Variants in SUPT16H observed in about 807,000 individuals in gnomAD.
SUPT16H encodes the protein SPT16 homolog, facilitates chromatin remodeling subunit, also known as FACT complex subunit SPT16.
A neutral mutation model predicts 136.2 loss-of-function variants in SUPT16H; 24 were observed. The observed-to-expected ratio is 0.18, with a 90% CI of 0.13 to 0.25. SUPT16H has a LOEUF of 0.25. Ranked by LOEUF, SUPT16H falls within the 10% of genes least tolerant of loss-of-function variation. The pLI, the probability that SUPT16H is intolerant of heterozygous loss-of-function variation, is 1.00. For synonymous variants in SUPT16H, 415 were observed against 428.2 expected (o/e 0.97, Z 0.38); for missense variants, 623 against 1,270.2 (o/e 0.49, Z 7.74).
At position 21,369,194 on chromosome 14, in the gene SUPT16H, A is replaced by G. The variant is rs1594305694; in HGVS notation, c.782+10T>C. 6.2e-7 allele frequency: 1 copy of G among 1,612,352 alleles called. No homozygotes were observed. The highest frequency in any genetic ancestry group is 2.2e-5 in the East Asian group (1 of 44,876). Reference sequence around the variant, plus strand: ...CAAAATGCTATATTATGAAGTCTTCATATACTTACCTCACCACACTGAACT... The same window carrying G: ...CAAAATGCTATATTATGAAGTCTTCGTATACTTACCTCACCACACTGAACT... On this transcript the variant is annotated intron_variant, in intron 6 of 25. Transcript: ENST00000216297.
intron 8 of SUPT16H, 72 bp from the exon 9 acceptor site, chr14:21,365,215 T>G (rs1169685193): frequency 1.6e-5 from 22 of 1,380,200 alleles, no homozygotes; most frequent in Non-Finnish European, 1.9e-5. Flanking sequence ...ACATATTCAT[T>G]TCAACTTTCA....
At chr14:21,358,767 C>T (rs1017824778) in intron 19 of SUPT16H, among the ~76,000 whole-genome samples, 1 of 152,202 alleles carries the variant, frequency 6.6e-6, no homozygotes, top group Non-Finnish European at 1.5e-5. Context: ...TCAGCAGATA[C>T]TTGAGTTGCT....
intron 1 of SUPT16H, among the ~76,000 whole-genome samples, chr14:21,374,728 G>A (rs1383700858): frequency 6.6e-6 from 1 of 152,130 alleles, no homozygotes; most frequent in Admixed American, 6.5e-5. Context: ...TTCATCAGCT[G>A]CAGGACACTT....
chr14:21,379,710 A>G (rs1354735335), intron 1 of SUPT16H, among the ~76,000 whole-genome samples: 3 of 151,876 alleles, frequency 2.0e-5, no homozygotes, highest in Admixed American at 6.6e-5. Flanking sequence ...AATAAAATAA[A>G]TAACAATAAT....
chr14:21,358,885 A>G (rs1594299094), intron 19 of SUPT16H, among the ~76,000 whole-genome samples: 1 of 138,786 alleles, frequency 7.2e-6, no homozygotes, highest in African/African-American at 2.7e-5. Flanking sequence ...TTGGCCCACA[A>G]CCTCTGCCTC....
intron 3 of SUPT16H, among the ~76,000 whole-genome samples, chr14:21,370,904 C>T (rs8020149): frequency 0.89 from 134,815 of 152,010 alleles, 60,026 homozygotes; most frequent in Middle Eastern, 0.94. Flanking sequence ...GCCTCCCGAG[C>T]AGCTGGGATT....
chr14:21,381,820 C>G (rs1445347450), intron 1 of SUPT16H, among the ~76,000 whole-genome samples: 3 of 145,090 alleles, frequency 2.1e-5, no homozygotes, highest in Non-Finnish European at 3.0e-5. Flanking sequence ...GGGGTCTCAT[C>G]ATCTTGCCCA....
chr14:21,355,264 G>A (rs1030211946), intron 22 of SUPT16H, among the ~76,000 whole-genome samples: 1 of 152,100 alleles, frequency 6.6e-6, no homozygotes, highest in Admixed American at 6.5e-5. Flanking sequence ...GGAGGCCAAG[G>A]CAGGCGGATC....
At chr14:21,363,638 C>T (rs1886604747) in intron 10 of SUPT16H, 135 bp from the exon 11 acceptor site, 1 of 750,490 alleles carries the variant, frequency 1.3e-6, no homozygotes, top group Non-Finnish European at 2.2e-6. Context: ...TAGTTTTTAT[C>T]CTTCTAACCT....
chr14:21,377,360 A>G (rs1458605424), intron 1 of SUPT16H, among the ~76,000 whole-genome samples: 4 of 152,252 alleles, frequency 2.6e-5, no homozygotes, highest in African/African-American at 4.8e-5. Flanking sequence ...AAATAGAATC[A>G]TATCAGCCTT....
At chr14:21,371,731 G>C (rs1418496059) in intron 3 of SUPT16H, 143 bp downstream of exon 3, 28 of 901,104 alleles carry the variant, frequency 3.1e-5, no homozygotes, top group Non-Finnish European at 4.3e-5. Context: ...TCCTAACAAT[G>C]AAGACGTGAC....
At chr14:21,367,782 C>T (rs1441343342) in intron 7 of SUPT16H, among the ~76,000 whole-genome samples, 1 of 152,196 alleles carries the variant, frequency 6.6e-6, no homozygotes, top group African/African-American at 2.4e-5. Context: ...AATGATCACT[C>T]ATGCTTGAAA....
chr14:21,353,776 A>T lies in SUPT16H; in HGVS notation c.2847T>A (p.Asn949Lys). 6.2e-7 allele frequency: 1 copy of T among 1,614,086 alleles called. No homozygotes were observed. Among genetic ancestry groups the T allele is most frequent in the Non-Finnish European group, 8.5e-7 (1 of 1,179,990 alleles). The part of the protein sequence containing the change: ...SESEIEDETF[N>K]PSEDDYEEEE... Reference sequence around the variant, plus strand: ...CCTCTTCATAGTCATCTTCTGAAGGATTAAAAGTCTCATCTTCAATTTCAG... The same window carrying T: ...CCTCTTCATAGTCATCTTCTGAAGGTTTAAAAGTCTCATCTTCAATTTCAG... Residue 949 changes from asparagine to lysine, a missense_variant, in exon 24 of 26, where the codon AAT becomes AAA. Physicochemically the swap from Asn to Lys is moderately conservative, Grantham distance 94. This residue lies in a region of SUPT16H where 88 missense variants were observed against 135.5 expected (regional missense o/e 0.65). Transcript: ENST00000216297.
Position 21,354,397 on chromosome 14 carries a change from C to T in SUPT16H, c.2790+14G>A. ...AACACTGTGTACCAGAAAAGAAACC[C>T]CACACTCACGCACCTCACCCTCAGG... On this transcript the variant is annotated intron_variant, in intron 23 of 25. Coordinates refer to ENST00000216297, the MANE Select transcript of SUPT16H (RefSeq NM_007192.4). The T allele has an allele frequency of 6.8e-6, 11 of 1,612,984 alleles. No individual in the cohort carries two copies. Among genetic ancestry groups the T allele is most frequent in the Non-Finnish European group, 9.3e-6 (11 of 1,179,464 alleles).
At position 21,353,850 on chromosome 14, in the gene SUPT16H, A is replaced by G. The variant is rs368900931; in HGVS notation, c.2791-18T>C. On this transcript the variant is annotated intron_variant, in intron 23 of 25. Transcript: ENST00000216297. ...TCACTCCCCTGGTGAGTTAGAGCAT[A>G]ATACTGATTTTTTTTTGACATTTAC... 1.3e-6 allele frequency: 2 copies of G among 1,599,432 alleles called. No homozygotes were observed. The highest frequency in any genetic ancestry group is 1.7e-6 in the Non-Finnish European group (2 of 1,174,358).
At chr14:21,376,633 T>G (rs961929489) in intron 1 of SUPT16H, among the ~76,000 whole-genome samples, 2 of 152,138 alleles carry the variant, frequency 1.3e-5, no homozygotes, top group African/African-American at 4.8e-5. Context: ...TAATGGCACT[T>G]AAAACTGCTA....
chr14:21,362,347 A>G (rs1886574068), intron 14 of SUPT16H, 23 bp from the exon 15 acceptor site: 2 of 1,598,182 alleles, frequency 1.3e-6, no homozygotes, highest in African/African-American at 1.3e-5. Flanking sequence ...AAAGCATAAA[A>G]AGTAAACAGA....
At position 21,371,904 on chromosome 14, in the gene SUPT16H, G is replaced by A; in HGVS notation, c.300C>T (p.Ala100=). 6.2e-7 allele frequency: 1 copy of A among 1,613,926 alleles called. No individual in the cohort carries two copies. The highest frequency in any genetic ancestry group is 1.3e-5 in the African/African-American group (1 of 74,984). The part of the protein sequence containing the change: ...NTKGNENANG[A]PAITLLIREK... ...CTCGTATTAGCAGTGTGATGGCAGG[G>A]GCTCCATTAGCATTCTCATTGCCCT... The change falls in exon 3 of 26, where the codon GCC becomes GCT. Residue 100 remains alanine, a synonymous_variant. Transcript: ENST00000216297.
Position 21,363,261 on chromosome 14 carries a change from C to T in SUPT16H, c.1367G>A (p.Arg456Gln), listed in dbSNP as rs779831190. ...TGTTCTTTCTGTAAGTAATGCTGCC[C>T]GAGAACCTCTTCCCAAAAGGTCCTC... is the stretch of plus-strand genomic sequence containing the variant. Reference protein sequence around the residue: ...EAEDLLGRGSRAALLTERTRN... With the variant: ...EAEDLLGRGSQAALLTERTRN... Residue 456 changes from arginine to glutamine, a missense_variant, in exon 12 of 26, where the codon CGG (arginine) becomes CAG (glutamine). By Grantham distance (43) the Arg-to-Gln change is conservative. Coordinates refer to ENST00000216297, the MANE Select transcript of SUPT16H (RefSeq NM_007192.4). 3 of 1,613,998 alleles carry T rather than the reference C, an allele frequency of 1.9e-6. No homozygotes were observed. The highest frequency in any genetic ancestry group is 2.5e-6 in the Non-Finnish European group (3 of 1,179,936).
Sources: gnomAD v4.1 joint callset for allele counts (sites outside exome capture counted in the v4.1 genomes callset) on GRCh38, gnomAD v4.1.1 for gene constraint, gnomAD v4.1.1 regional missense constraint, MANE v1.5 for transcripts, NCBI Gene and HGNC (gene_info 2026-07-23, HGNC 2026-07-21) for gene names.